The following PDE10A variants were observed in gnomAD, a reference collection of about 807,000 sequenced individuals.
PDE10A encodes the protein phosphodiesterase 10A.
In PDE10A, 39 loss-of-function variants were observed where a neutral mutation model predicts 97.7. The observed-to-expected ratio is 0.40, with a 90% confidence interval of 0.31 to 0.52. The LOEUF is 0.52. Ranked by LOEUF, PDE10A falls within the 20% of genes least tolerant of loss-of-function variation. The pLI is 0.56. For synonymous variants in PDE10A, 371 were observed against 376.8 expected, an observed-to-expected ratio of 0.98 and a Z score of 0.18; for missense variants, 731 against 1,047.8, an observed-to-expected ratio of 0.70 and a Z score of 4.17.
At chr6:165,771,654 T>TAAAAAAAA (rs35902541) in intron 1 of PDE10A, among the ~76,000 whole-genome samples, 30 of 106,174 alleles carry the variant, frequency 2.8e-4, no homozygotes, top group East Asian at 5.6e-4. Flanking sequence ...TTTAACAAGA[T>TAAAAAAAA]AAAAAAAAAA....
chr6:165,772,602 C>T (rs1428343511), intron 1 of PDE10A, among the ~76,000 whole-genome samples: 1 of 152,218 alleles, frequency 6.6e-6, no homozygotes, highest in South Asian at 2.1e-4. Context: ...CCTGCGTGAC[C>T]TCCGGGGCCC....
chr6:165,694,310 C>T lies in PDE10A; in HGVS notation c.-614-150742G>A, dbSNP rs370002475. Among the ~76,000 whole-genome samples, 120 of 152,330 alleles carry T rather than the reference C, an allele frequency of 7.9e-4. 1 individual carries two copies. The South Asian group carries it at 0.023, about 30-fold the overall frequency. On this transcript the variant is annotated intron_variant, in intron 1 of 19. Transcript: ENST00000366882. The stretch of plus-strand genomic sequence containing the variant: ...TATGCACCACGTTTAACTGCAGTGG[C>T]CACAGGCACGGGACCATGAGAGAGG...
chr6:165,926,779 C>T (rs139552148), intron 1 of PDE10A, among the ~76,000 whole-genome samples: 58 of 152,318 alleles, frequency 3.8e-4, no homozygotes, highest in African/African-American at 1.3e-3. Context: ...GATCTTTAAG[C>T]CTCAGAGCTA....
chr6:165,883,036 G>A (rs1361544535), intron 1 of PDE10A, among the ~76,000 whole-genome samples: 1 of 152,120 alleles, frequency 6.6e-6, no homozygotes, highest in African/African-American at 2.4e-5. Context: ...AGGAGTTTGA[G>A]ACCAGCTTGG....
At chr6:165,350,753 G>A (rs1034267290) in intron 18 of PDE10A, among the ~76,000 whole-genome samples, 1 of 152,134 alleles carries the variant, frequency 6.6e-6, no homozygotes, top group Non-Finnish European at 1.5e-5. Flanking sequence ...CTCTTCTCAT[G>A]ATAGTGAGTT....
Position 165,480,011 on chromosome 6 carries a change from C to T in PDE10A, c.1023+2304G>A, listed in dbSNP as rs1434883621. Among the ~76,000 whole-genome samples the T allele has an allele frequency of 3.3e-5, 5 of 152,176 alleles. No homozygotes were observed. In the East Asian group the frequency reaches 7.7e-4, roughly 23 times the overall value. On this transcript the variant is annotated intron_variant, in intron 3 of 21. Coordinates refer to ENST00000539869, the MANE Select transcript of PDE10A (RefSeq NM_001385079.1). Reference sequence around the variant, plus strand: ...CAAACTAAGACAGGTATCTGTCCCACCTCATTTTACCAGGGTCAAGACGCA... The same window carrying T: ...CAAACTAAGACAGGTATCTGTCCCATCTCATTTTACCAGGGTCAAGACGCA...
Position 165,731,969 on chromosome 6 carries a change from G to A in PDE10A, c.-614-188401C>T, listed in dbSNP as rs1188345780. Among the ~76,000 whole-genome samples, 5 of 152,044 alleles carry A rather than the reference G, an allele frequency of 3.3e-5. No homozygotes were observed. In the East Asian group the frequency reaches 9.6e-4, roughly 29 times the overall value. On this transcript the variant is annotated intron_variant, in intron 1 of 19. Coordinates refer to the PDE10A transcript ENST00000366882. Reference sequence around the variant, plus strand: ...AATTAACTTTTCTAAATTTACTTTTGGCAGAGAATATTAGCGTTCTTTTAT... The same window carrying A: ...AATTAACTTTTCTAAATTTACTTTTAGCAGAGAATATTAGCGTTCTTTTAT...
chr6:165,945,052 G>A (rs780585441), intron 1 of PDE10A, among the ~76,000 whole-genome samples: 25 of 152,106 alleles, frequency 1.6e-4, no homozygotes, highest in African/African-American at 4.6e-4. Flanking sequence ...TGCACAGGGC[G>A]GTTGGTTTGT....
chr6:165,762,816 G>C (rs2128458290), intron 1 of PDE10A, among the ~76,000 whole-genome samples: 2 of 152,194 alleles, frequency 1.3e-5, no homozygotes, highest in South Asian at 2.1e-4. Flanking sequence ...GTTCCATGCA[G>C]TTCTACCCAA....
At chr6:165,740,426 G>A (rs1003991540) in intron 1 of PDE10A, among the ~76,000 whole-genome samples, 3 of 152,150 alleles carry the variant, frequency 2.0e-5, no homozygotes, top group African/African-American at 7.2e-5. Context: ...CGTCCCCCAG[G>A]TTCAAGCAAT....
intron 19 of PDE10A, among the ~76,000 whole-genome samples, chr6:165,341,510 A>C (rs769661540): frequency 2.6e-5 from 4 of 152,214 alleles, no homozygotes; most frequent in African/African-American, 9.7e-5. Context: ...AGATAAAAAG[A>C]TATTTCACAA....
intron 1 of PDE10A, among the ~76,000 whole-genome samples, chr6:165,840,993 A>G (rs1780242617): frequency 6.6e-6 from 1 of 152,238 alleles, no homozygotes; most frequent in South Asian, 2.1e-4. Flanking sequence ...AGAGGATTCA[A>G]ATGTCAGTTA....
intron 1 of PDE10A, among the ~76,000 whole-genome samples, chr6:165,753,909 T>C (rs911203813): frequency 4.6e-5 from 7 of 152,214 alleles, no homozygotes; most frequent in Admixed American, 2.6e-4. Flanking sequence ...AACTCAAACA[T>C]GTCAAACTAG....
At chr6:165,902,739 A>T (rs183123293) in intron 1 of PDE10A, among the ~76,000 whole-genome samples, 209 of 152,300 alleles carry the variant, frequency 1.4e-3, no homozygotes, top group Admixed American at 5.2e-3. Context: ...CAGTGGAGGT[A>T]TCAGCATTGT....
intron 1 of PDE10A, among the ~76,000 whole-genome samples, chr6:165,872,651 G>GT (rs58957289): frequency 2.7e-4 from 27 of 99,724 alleles, no homozygotes; most frequent in South Asian, 1.2e-3. Flanking sequence ...GGGGAGCTGT[G>GT]TTTTTTTTGT....
chr6:165,540,025 T>C (rs2128320809), intron 2 of PDE10A, among the ~76,000 whole-genome samples: 1 of 152,324 alleles, frequency 6.6e-6, no homozygotes, highest in Non-Finnish European at 1.5e-5. Flanking sequence ...GTCCCCATAG[T>C]ATGAGAAGCA....
At position 165,540,431 on chromosome 6, in the gene PDE10A, G is replaced by A. The variant is rs115772481; in HGVS notation, c.994+3009C>T. ...TTATTTCATTTTCTTTTTTCTAAAT[G>A]ACAAAAAATGAAATAATTTAGATAG... On this transcript the variant is annotated intron_variant, in intron 2 of 21. Transcript: ENST00000539869. 1.3e-3 allele frequency among the ~76,000 whole-genome samples: 193 copies of A among 151,878 alleles called. 1 individual carries two copies. Among genetic ancestry groups the A allele is most frequent in the African/African-American group, 4.5e-3 (187 of 41,418 alleles).
intron 1 of PDE10A, among the ~76,000 whole-genome samples, chr6:165,942,511 G>A (rs866315828): frequency 5.3e-5 from 8 of 152,090 alleles, no homozygotes; most frequent in African/African-American, 1.7e-4. Context: ...ACCTGTGCTC[G>A]CTGCCACCCA....
At chr6:165,807,885 A>G (rs1779181239) in intron 1 of PDE10A, among the ~76,000 whole-genome samples, 1 of 152,174 alleles carries the variant, frequency 6.6e-6, no homozygotes, top group South Asian at 2.1e-4. Flanking sequence ...CTATAAAGCT[A>G]CAATCTGTTT....
Sources: gnomAD v4.1 joint callset for allele counts (sites outside exome capture counted in the v4.1 genomes callset) on GRCh38, gnomAD v4.1.1 for gene constraint, MANE v1.5 for transcripts, NCBI Gene and HGNC (gene_info 2026-07-23, HGNC 2026-07-21) for gene names.